Variants in WDR27 observed in about 807,000 individuals in gnomAD.
WDR27 encodes the protein WD repeat-containing protein 27.
A neutral mutation model predicts 114.4 loss-of-function variants in WDR27; 100 were observed. That is an observed-to-expected ratio of 0.87 (90% CI 0.74 to 1.03). WDR27 has a LOEUF of 1.03. Among genes scored for constraint, WDR27 ranks in the 50% least tolerant of loss-of-function variants. WDR27 has a pLI of 0.00. For synonymous variants in WDR27, 449 were observed against 423.1 expected, an observed-to-expected ratio of 1.06 and a Z score of -0.75; for missense variants, 1,129 against 1,092.9, an observed-to-expected ratio of 1.03 and a Z score of -0.47.
At chr6:169,597,877 T>TACACACACACACAC (rs67336814) in intron 23 of WDR27, among the ~76,000 whole-genome samples, 141 of 142,286 alleles carry the variant, frequency 9.9e-4, no homozygotes, top group East Asian at 6.1e-3. Flanking sequence ...TTACCATTCA[T>TACACACACACACAC]ACACACACAC....
chr6:169,476,524 C>T (rs1453971721), intron 25 of WDR27, among the ~76,000 whole-genome samples: 1 of 152,206 alleles, frequency 6.6e-6, no homozygotes, highest in Admixed American at 6.5e-5. Context: ...CCTTCATACT[C>T]GTGTTGGCCC....
chr6:169,597,877 TACAC>T (rs67336814), intron 23 of WDR27, among the ~76,000 whole-genome samples: 5,001 of 142,058 alleles, frequency 0.035, 91 homozygotes, highest in Non-Finnish European at 0.046. Flanking sequence ...TTACCATTCA[TACAC>T]ACACACACAC....
chr6:169,606,366 A>G (rs1189537077), intron 22 of WDR27, among the ~76,000 whole-genome samples: 2 of 152,228 alleles, frequency 1.3e-5, no homozygotes, highest in East Asian at 1.9e-4. Context: ...GTTTGTTAAC[A>G]TAGGTAACAT....
intron 25 of WDR27, among the ~76,000 whole-genome samples, chr6:169,540,243 C>T (rs961676997): frequency 1.3e-5 from 2 of 152,196 alleles, no homozygotes; most frequent in African/African-American, 4.8e-5. Flanking sequence ...CTGAAATGCA[C>T]TCTTGCCCCA....
rs767644802 is a variant in WDR27, at chr6:169,662,399, A to G, written c.930T>C (p.Ser310=). 1 of 1,613,936 alleles carries G rather than the reference A, an allele frequency of 6.2e-7. No individual in the cohort carries two copies. The highest frequency in any genetic ancestry group is 2.2e-5 in the East Asian group (1 of 44,898). The part of the protein sequence containing the change: ...QPEESQLPST[S]ALGKGEQVEV... ...CAACCTGCTCTCCTTTTCCCAGAGC[A>G]CTTGTAGAGGGAAGCTGGCTTTCTT... Residue 310 remains serine (S), a synonymous_variant, in exon 9 of 26, where the codon AGT becomes AGC. Coordinates refer to ENST00000448612, the MANE Select transcript of WDR27 (RefSeq NM_182552.5).
At chr6:169,484,739 A>G (rs1205016568) in intron 25 of WDR27, among the ~76,000 whole-genome samples, 1 of 152,206 alleles carries the variant, frequency 6.6e-6, no homozygotes, top group South Asian at 2.1e-4. Context: ...AAATGAACAA[A>G]GCTGGAGGCA....
intron 2 of WDR27, 109 bp from the exon 3 acceptor site, chr6:169,672,505 T>C: frequency 5.4e-6 from 6 of 1,110,344 alleles, no homozygotes; most frequent in Non-Finnish European, 6.2e-6. Context: ...TTCAAATACA[T>C]TTATCTTACA....
intron 25 of WDR27, among the ~76,000 whole-genome samples, chr6:169,462,512 G>GAAAGAAAGAAAGAA (rs1562446813): frequency 1.3e-5 from 2 of 152,034 alleles, no homozygotes; most frequent in African/African-American, 4.8e-5. Context: ...AAGAAAGAAA[G>GAAAGAAAGAAAGAA]AGTAGATCCT....
At chr6:169,446,517 C>T in the WDR27 span, among the ~76,000 whole-genome samples, 3 of 152,076 alleles carry the variant, frequency 2.0e-5, no homozygotes, top group Admixed American at 2.0e-4. Flanking sequence ...TGTGGCACAC[C>T]GGGGCAAACC....
At chr6:169,566,980 T>A (rs185270106) in intron 25 of WDR27, among the ~76,000 whole-genome samples, 1 of 152,252 alleles carries the variant, frequency 6.6e-6, no homozygotes, top group East Asian at 1.9e-4. Context: ...AGGGGAGGCA[T>A]CCCACATAGA....
intron 13 of WDR27, among the ~76,000 whole-genome samples, chr6:169,654,683 A>G (rs1046017233): frequency 2.0e-5 from 3 of 151,342 alleles, no homozygotes; most frequent in Admixed American, 2.0e-4. Context: ...CCTAAGTGAG[A>G]AGCCAGGCGA....
intron 1 of WDR27, among the ~76,000 whole-genome samples, chr6:169,697,777 C>G (rs911408620): frequency 3.3e-4 from 50 of 152,330 alleles, no homozygotes; most frequent in African/African-American, 1.2e-3. Context: ...CCTATGGCCA[C>G]TCTCCTTATC....
At chr6:169,642,873 G>A (rs550500907) in intron 17 of WDR27, among the ~76,000 whole-genome samples, 2 of 152,182 alleles carry the variant, frequency 1.3e-5, no homozygotes, top group African/African-American at 2.4e-5. Context: ...TCCCATATTC[G>A]CAATGCTTGG....
At chr6:169,568,866 T>C (rs957111193) in intron 25 of WDR27, among the ~76,000 whole-genome samples, 2 of 152,218 alleles carry the variant, frequency 1.3e-5, no homozygotes, top group African/African-American at 4.8e-5. Context: ...TTTCATTTCA[T>C]GCCCCTCACC....
chr6:169,488,485 A>G (rs1789247251), intron 25 of WDR27, among the ~76,000 whole-genome samples: 1 of 152,340 alleles, frequency 6.6e-6, no homozygotes, highest in Non-Finnish European at 1.5e-5. Context: ...AGCAGCAAAG[A>G]AAGGAGAAAA....
the WDR27 span, among the ~76,000 whole-genome samples, chr6:169,445,569 G>A: frequency 1.3e-5 from 2 of 152,208 alleles, no homozygotes; most frequent in Non-Finnish European, 2.9e-5. Flanking sequence ...AGCATTCTGT[G>A]AACATTAGCT....
At chr6:169,580,565 T>C (rs1403188253) in intron 24 of WDR27, among the ~76,000 whole-genome samples, 4 of 152,222 alleles carry the variant, frequency 2.6e-5, no homozygotes, top group African/African-American at 9.6e-5. Flanking sequence ...CTTTATCATG[T>C]TTACTTTTAA....
chr6:169,531,157 C>A (rs1030719365), intron 25 of WDR27, among the ~76,000 whole-genome samples: 1 of 152,168 alleles, frequency 6.6e-6, no homozygotes, highest in Non-Finnish European at 1.5e-5. Context: ...ACATTTTGTA[C>A]ATAAAAATGT....
chr6:169,528,261 A>C (rs897000304), intron 25 of WDR27, among the ~76,000 whole-genome samples: 11 of 152,234 alleles, frequency 7.2e-5, no homozygotes, highest in African/African-American at 2.7e-4. Context: ...GCATTACTGA[A>C]AAAAGAGTAT....
Sources: allele counts gnomAD v4.1 joint callset (sites outside exome capture counted in the v4.1 genomes callset), GRCh38; gene constraint gnomAD v4.1.1; transcripts MANE v1.5; gene names NCBI Gene and HGNC (gene_info 2026-07-23, HGNC 2026-07-21).